CNTN3: variants seen among roughly 807,000 people sequenced by gnomAD.
CNTN3 encodes the protein contactin 3, also known as contactin-3.
A neutral mutation model predicts 119.1 loss-of-function variants in CNTN3; 60 were observed. The observed-to-expected ratio is 0.50, with a 90% CI of 0.41 to 0.62. The LOEUF is 0.62. Ranked by LOEUF, CNTN3 falls within the 20% of genes least tolerant of loss-of-function variation. CNTN3 has a pLI of 0.00. For synonymous variants in CNTN3, 450 were observed against 438.7 expected (o/e 1.03, Z -0.32); for missense variants, 1,101 against 1,242.4 (o/e 0.89, Z 1.71).
chr3:74,280,859 G>A (rs559804972), intron 20 of CNTN3, among the ~76,000 whole-genome samples: 2 of 152,306 alleles, frequency 1.3e-5, no homozygotes, highest in South Asian at 4.1e-4. Flanking sequence ...GTGGCTCTGA[G>A]GCTATGCACA....
chr3:74,462,220 C>G (rs573324169), intron 4 of CNTN3, among the ~76,000 whole-genome samples: 153 of 152,184 alleles, frequency 1.0e-3, no homozygotes, highest in Non-Finnish European at 1.9e-3. Context: ...AGCTGCTATG[C>G]TTCCTGTACA....
intron 3 of CNTN3, among the ~76,000 whole-genome samples, chr3:74,488,555 A>G (rs965243186): frequency 1.3e-5 from 2 of 152,196 alleles, no homozygotes; most frequent in African/African-American, 2.4e-5. Context: ...ATCATTTTCT[A>G]TATCTGAAAT....
intron 4 of CNTN3, among the ~76,000 whole-genome samples, chr3:74,453,604 T>C (rs1435501278): frequency 1.3e-5 from 2 of 151,620 alleles, no homozygotes; most frequent in Non-Finnish European, 2.9e-5. Context: ...TTAATTGTGA[T>C]GTTAGGGTGT....
At chr3:74,395,933 C>T (rs1472153000) in intron 5 of CNTN3, among the ~76,000 whole-genome samples, 1 of 152,104 alleles carries the variant, frequency 6.6e-6, no homozygotes, top group African/African-American at 2.4e-5. Flanking sequence ...AATCTGTTAT[C>T]AGTGATCTTT....
intron 4 of CNTN3, among the ~76,000 whole-genome samples, chr3:74,434,061 T>C (rs1008716952): frequency 2.0e-5 from 3 of 152,192 alleles, no homozygotes; most frequent in African/African-American, 4.8e-5. Flanking sequence ...AGTTAAATTA[T>C]TGGTGTCTGC....
intron 2 of CNTN3, among the ~76,000 whole-genome samples, chr3:74,509,830 G>A (rs6549616): frequency 0.72 from 109,375 of 151,782 alleles, 40,314 homozygotes; most frequent in Non-Finnish European, 0.79. Flanking sequence ...TGTAGTAATC[G>A]TTCCTCATTC....
intron 1 of CNTN3, among the ~76,000 whole-genome samples, chr3:74,571,010 A>G (rs1276842449): frequency 2.6e-5 from 4 of 152,210 alleles, no homozygotes; most frequent in Non-Finnish European, 5.9e-5. Context: ...CATCTGTAAG[A>G]TAATAAAAGT....
chr3:74,538,339 T>G (rs59269859), intron 1 of CNTN3, among the ~76,000 whole-genome samples: 2,095 of 152,240 alleles, frequency 0.014, 61 homozygotes, highest in African/African-American at 0.048. Context: ...AATCCACTAA[T>G]TTTACAGTTT....
At chr3:74,582,501 T>C (rs1322896712) in intron 1 of CNTN3, among the ~76,000 whole-genome samples, 1 of 151,798 alleles carries the variant, frequency 6.6e-6, no homozygotes, top group African/African-American at 2.4e-5. Flanking sequence ...AAATAAATAA[T>C]GAAAAGATTA....
At chr3:74,486,321 T>C in intron 4 of CNTN3, 135 bp downstream of exon 4, 1 of 757,648 alleles carries the variant, frequency 1.3e-6, no homozygotes, top group East Asian at 2.7e-5. Flanking sequence ...CCAAAAATCA[T>C]ACTGAATTGC....
At chr3:74,511,638 C>T (rs1171985271) in intron 2 of CNTN3, among the ~76,000 whole-genome samples, 1 of 152,068 alleles carries the variant, frequency 6.6e-6, no homozygotes, top group African/African-American at 2.4e-5. Context: ...CACTACACTT[C>T]AGCTTGGGTG....
At chr3:74,275,639 C>A (rs668645) in intron 20 of CNTN3, among the ~76,000 whole-genome samples, 32,552 of 151,856 alleles carry the variant, frequency 0.21, 4,129 homozygotes, top group African/African-American at 0.36. Flanking sequence ...TGAAGCAAAT[C>A]CTGGAAACGC....
chr3:74,499,029 A>G lies in CNTN3; in HGVS notation c.182+630T>C, dbSNP rs566330146. On this transcript the variant is annotated intron_variant, in intron 3 of 22. Transcript: ENST00000263665. ...ATCCATCATCATCCCCAAAATATCA[A>G]TATTTTTTTCTTAAGGTGGTGGGAG... Among the ~76,000 whole-genome samples, 10 of 151,240 alleles carry G rather than the reference A, an allele frequency of 6.6e-5. No individual in the cohort carries two copies. The East Asian group carries it at 2.0e-3, about 30-fold the overall frequency.
chr3:74,477,652 T>C (rs1412420923), intron 4 of CNTN3, among the ~76,000 whole-genome samples: 1 of 152,036 alleles, frequency 6.6e-6, no homozygotes, highest in African/African-American at 2.4e-5. Context: ...TTAGACAGAA[T>C]AAGATGTGCT....
chr3:74,353,629 G>T (rs964046074), intron 11 of CNTN3, among the ~76,000 whole-genome samples: 3 of 151,984 alleles, frequency 2.0e-5, no homozygotes, highest in Non-Finnish European at 4.4e-5. Flanking sequence ...GGTGGCAGGC[G>T]CCTGTAGTCC....
chr3:74,587,404 C>T (rs552272791), intron 1 of CNTN3, among the ~76,000 whole-genome samples: 21 of 152,152 alleles, frequency 1.4e-4, no homozygotes, highest in Non-Finnish European at 5.9e-5. Context: ...AAAACAACTG[C>T]ACAACTTATC....
intron 13 of CNTN3, among the ~76,000 whole-genome samples, chr3:74,313,454 T>A (rs924792208): frequency 3.3e-5 from 5 of 151,830 alleles, no homozygotes; most frequent in Admixed American, 1.3e-4. Context: ...AAAAAAAAAA[T>A]TTTGTAAAAA....
chr3:74,283,579 C>G (rs1307092606), intron 20 of CNTN3, among the ~76,000 whole-genome samples: 5 of 152,124 alleles, frequency 3.3e-5, no homozygotes, highest in Non-Finnish European at 7.4e-5. Flanking sequence ...ACTGATTCCA[C>G]CATGATGTTA....
At chr3:74,478,659 T>C (rs1030691775) in intron 4 of CNTN3, among the ~76,000 whole-genome samples, 1 of 152,116 alleles carries the variant, frequency 6.6e-6, no homozygotes, top group African/African-American at 2.4e-5. Flanking sequence ...GCGACCCTCC[T>C]GAAGACAAAC....
Sources: gnomAD v4.1 joint callset for allele counts (sites outside exome capture counted in the v4.1 genomes callset) on GRCh38, gnomAD v4.1.1 for gene constraint, MANE v1.5 for transcripts, NCBI Gene and HGNC (gene_info 2026-07-23, HGNC 2026-07-21) for gene names.